Variants in ZNF609 observed in about 807,000 individuals in gnomAD.
The protein encoded by ZNF609 is zinc finger protein 609.
A neutral mutation model predicts 109.5 loss-of-function variants in ZNF609; 11 were observed. That is an observed-to-expected ratio of 0.10 (90% CI 0.06 to 0.17). The LOEUF (loss-of-function observed/expected upper bound fraction) is 0.17, where lower values mean the gene tolerates loss of function less well. ZNF609 is among the 10% of genes least tolerant of loss of function. The pLI, the probability that ZNF609 is intolerant of heterozygous loss-of-function variation, is 1.00. For synonymous variants in ZNF609, 646 were observed against 662.0 expected (o/e 0.98, Z 0.37); for missense variants, 1,559 against 1,772.4 (o/e 0.88, Z 2.16).
intron 2 of ZNF609, among the ~76,000 whole-genome samples, chr15:64,609,310 C>T (rs913286316): frequency 4.0e-5 from 6 of 151,592 alleles, no homozygotes; most frequent in Non-Finnish European, 7.4e-5. Flanking sequence ...CTCAGCCTCT[C>T]GAATATCTAA....
chr15:64,635,002 A>G (rs1432372641), intron 3 of ZNF609, among the ~76,000 whole-genome samples: 1 of 152,162 alleles, frequency 6.6e-6, no homozygotes, highest in Non-Finnish European at 1.5e-5. Context: ...GTCCACTGTC[A>G]TACATTTAAA....
intron 2 of ZNF609, among the ~76,000 whole-genome samples, chr15:64,617,997 A>G (rs1895825033): frequency 6.6e-6 from 1 of 152,208 alleles, no homozygotes; most frequent in Non-Finnish European, 1.5e-5. Context: ...GTAGTTATTA[A>G]GGCATCTAAT....
At chr15:64,662,876 A>T (rs565527174) in intron 3 of ZNF609, among the ~76,000 whole-genome samples, 65 of 151,886 alleles carry the variant, frequency 4.3e-4, no homozygotes, top group Middle Eastern at 6.9e-3. Context: ...CATGTTGACC[A>T]GGCTGGTCTT....
chr15:64,646,355 G>C (rs563029506), intron 3 of ZNF609, among the ~76,000 whole-genome samples: 4 of 152,142 alleles, frequency 2.6e-5, no homozygotes, highest in African/African-American at 9.6e-5. Flanking sequence ...TGGCGGCCAG[G>C]CATGGTGGCT....
intron 2 of ZNF609, among the ~76,000 whole-genome samples, chr15:64,559,983 A>G (rs1894650442): frequency 1.3e-5 from 2 of 152,356 alleles, no homozygotes; most frequent in Non-Finnish European, 2.9e-5. Flanking sequence ...CATCTTAATC[A>G]GATGAGTTGT....
chr15:64,674,411 C>G lies in ZNF609; in HGVS notation c.1557C>G (p.Ala519=), dbSNP rs1896778762. ...GACTTAAGTACCACCAAGCTCATGC[C>G]CATACAGATGATGACAGCAAGCCGG... ...INGLKYHQAH[A]HTDDDSKPEA... is the part of the protein sequence containing the mutation. The change falls in exon 5 of 10, where the codon GCC becomes GCG. Residue 519 remains alanine, a synonymous_variant. Transcript: ENST00000326648. The G allele has an allele frequency of 6.2e-7, 1 of 1,614,126 alleles. No individual in the cohort carries two copies. Among genetic ancestry groups the G allele is most frequent in the Admixed American group, 1.7e-5 (1 of 60,002 alleles).
chr15:64,676,342 T>C, intron 5 of ZNF609, 86 bp downstream of exon 5: 10 of 1,268,520 alleles, frequency 7.9e-6, no homozygotes, highest in Non-Finnish European at 1.1e-5. Context: ...TATACAGGGG[T>C]TCAACGGAAT....
intron 1 of ZNF609, among the ~76,000 whole-genome samples, chr15:64,482,703 C>T (rs1372341010): frequency 6.6e-6 from 1 of 152,132 alleles, no homozygotes; most frequent in African/African-American, 2.4e-5. Flanking sequence ...GGTTAGTTTA[C>T]ATAAGGAAAA....
intron 2 of ZNF609, among the ~76,000 whole-genome samples, chr15:64,615,377 A>G (rs1895783905): frequency 6.7e-6 from 1 of 148,490 alleles, no homozygotes; most frequent in African/African-American, 2.5e-5. Flanking sequence ...TCCTGAGCTC[A>G]AGTGAACCTC....
chr15:64,570,170 T>G (rs1383934658), intron 2 of ZNF609, among the ~76,000 whole-genome samples: 1 of 152,210 alleles, frequency 6.6e-6, no homozygotes, highest in Non-Finnish European at 1.5e-5. Flanking sequence ...GGCCGAGAGC[T>G]CTCTTATTCC....
intron 3 of ZNF609, among the ~76,000 whole-genome samples, chr15:64,668,952 CAAAAAA>C (rs538954402): frequency 1.7e-3 from 61 of 34,966 alleles, no homozygotes; most frequent in African/African-American, 4.0e-3. Flanking sequence ...AACTCCGTCT[CAAAAAA>C]AAAAAAAAAA....
At chr15:64,593,102 C>T (rs374177265) in intron 2 of ZNF609, 8 of 1,593,520 alleles carry the variant, frequency 5.0e-6, no homozygotes, top group African/African-American at 2.7e-5. Flanking sequence ...ATTCGTCATT[C>T]GAAACATAGT....
At chr15:64,660,574 C>G (rs1896560630) in intron 3 of ZNF609, among the ~76,000 whole-genome samples, 1 of 152,172 alleles carries the variant, frequency 6.6e-6, no homozygotes, top group East Asian at 1.9e-4. Context: ...CTATCTGTCC[C>G]TTACTTTAAA....
chr15:64,636,935 T>G (rs1029610374), intron 3 of ZNF609, among the ~76,000 whole-genome samples: 2 of 152,234 alleles, frequency 1.3e-5, no homozygotes. Context: ...AATATAAACA[T>G]GTACGCAAAT....
At position 64,461,673 on chromosome 15, in the gene ZNF609, CA is replaced by C. The variant is rs1397797211; in HGVS notation, c.-128+836del. 2.6e-5 allele frequency among the ~76,000 whole-genome samples: 4 copies of C among 152,296 alleles called. No individual in the cohort carries two copies. In the East Asian group the frequency reaches 7.7e-4, roughly 29 times the overall value. ...ACAGGGTGGAGAGATCAGAGCCCTT[CA>C]GGGGGAATATTTCTGAACAAATCAC... On this transcript the variant is annotated intron_variant, in intron 1 of 9. Coordinates refer to ENST00000326648, the MANE Select transcript of ZNF609 (RefSeq NM_015042.2).
chr15:64,660,701 C>T (rs1337518255), intron 3 of ZNF609, among the ~76,000 whole-genome samples: 1 of 152,152 alleles, frequency 6.6e-6, no homozygotes, highest in African/African-American at 2.4e-5. Context: ...CCACACTATC[C>T]TCTTTGCTCT....
intron 2 of ZNF609, among the ~76,000 whole-genome samples, chr15:64,539,984 C>A (rs745698289): frequency 2.0e-5 from 3 of 152,146 alleles, no homozygotes; most frequent in African/African-American, 4.8e-5. Flanking sequence ...CTTGCCCAGG[C>A]TGGTCTCGCA....
chr15:64,466,485 A>G (rs1422294691), intron 1 of ZNF609, among the ~76,000 whole-genome samples: 1 of 152,194 alleles, frequency 6.6e-6, no homozygotes, highest in African/African-American at 2.4e-5. Flanking sequence ...TTTAAAGTTC[A>G]GAAATCTCTT....
chr15:64,625,335 A>G (rs1037701764), intron 3 of ZNF609, among the ~76,000 whole-genome samples: 19 of 152,146 alleles, frequency 1.2e-4, no homozygotes, highest in African/African-American at 4.6e-4. Context: ...CCTGGCCCAC[A>G]TAGTGAAACC....
Sources: gnomAD v4.1 joint callset for allele counts (sites outside exome capture counted in the v4.1 genomes callset) on GRCh38, gnomAD v4.1.1 for gene constraint, MANE v1.5 for transcripts, NCBI Gene and HGNC (gene_info 2026-07-23, HGNC 2026-07-21) for gene names.